The following COL18A1 variants were observed in gnomAD, a reference collection of about 807,000 sequenced individuals.
COL18A1 encodes the protein collagen alpha-1(XVIII) chain.
Under a neutral mutation model 168.0 loss-of-function variants are expected in COL18A1, and 133 were observed. That is an observed-to-expected ratio of 0.79 (90% CI 0.69 to 0.91). The LOEUF is 0.91. COL18A1 is among the 40% of genes least tolerant of loss of function. The probability of loss-of-function intolerance (pLI) is 0.00; values close to 1 mark genes in which losing one functional copy is unlikely to be tolerated. For synonymous variants in COL18A1, 949 were observed against 809.0 expected (o/e 1.17, Z -2.94); for missense variants, 2,126 against 1,925.4 (o/e 1.10, Z -1.95).
intron 2 of COL18A1, among the ~76,000 whole-genome samples, chr21:45,453,756 T>C (rs568882204): frequency 5.3e-4 from 81 of 152,204 alleles, no homozygotes; most frequent in African/African-American, 1.9e-3. Flanking sequence ...CTCAGTGCCA[T>C]GGGGCTGCCA....
intron 2 of COL18A1, among the ~76,000 whole-genome samples, chr21:45,442,882 G>T (rs2034411141): frequency 7.1e-6 from 1 of 141,352 alleles, no homozygotes; most frequent in African/African-American, 2.7e-5. Context: ...GGTGGTGCTG[G>T]TGTGGGCAGC....
chr21:45,505,406 C>G lies in COL18A1; in HGVS notation c.3062C>G (p.Pro1021Arg), dbSNP rs773571358. 2.5e-6 allele frequency: 4 copies of G among 1,576,472 alleles called. No homozygotes were observed. Among genetic ancestry groups the G allele is most frequent in the Non-Finnish European group, 3.5e-6 (4 of 1,152,426 alleles). ...GGCCCCCCTGGGCCCCCTGGGCCCC[C>G]TGGAACCATGGGCGCCTCCTCAGGG... The part of the protein sequence containing the change: ...PPGPPGPPGP[P>R]GTMGASSGVR... The change falls in exon 36 of 42, where the codon CCT (proline) becomes CGT (arginine). Residue 1021 changes from proline (P) to arginine (R), a missense_variant. Coordinates refer to ENST00000651438, the MANE Select transcript of COL18A1 (RefSeq NM_001379500.1).
At chr21:45,428,864 G>A (rs1455771516) in intron 2 of COL18A1, among the ~76,000 whole-genome samples, 1 of 151,702 alleles carries the variant, frequency 6.6e-6, no homozygotes, top group Non-Finnish European at 1.5e-5. Flanking sequence ...TGCCTGAAAT[G>A]TCTCTGCACT....
At chr21:45,446,200 A>G (rs1256015517) in intron 2 of COL18A1, among the ~76,000 whole-genome samples, 1 of 152,146 alleles carries the variant, frequency 6.6e-6, no homozygotes, top group African/African-American at 2.4e-5. Flanking sequence ...TCCTCACTGA[A>G]CAGTCTCGAC....
chr21:45,472,968 G>A (rs2035499828), intron 3 of COL18A1, among the ~76,000 whole-genome samples: 1 of 152,220 alleles, frequency 6.6e-6, no homozygotes, highest in South Asian at 2.1e-4. Flanking sequence ...GGCTTTGGGG[G>A]CCCAGCCGGC....
intron 21 of COL18A1, among the ~76,000 whole-genome samples, 170 bp from the exon 22 acceptor site, chr21:45,491,055 C>G (rs1182825035): frequency 3.9e-5 from 6 of 152,164 alleles, no homozygotes; most frequent in Non-Finnish European, 8.8e-5. Context: ...TCAACCGTCC[C>G]TGTTGGAGCC....
In COL18A1 at chr21:45,471,919, C is replaced by G. The variant is rs2035444322; in HGVS notation, c.652-1976C>G. 6.6e-6 allele frequency among the ~76,000 whole-genome samples: 1 copy of G among 152,226 alleles called. No individual in the cohort carries two copies. Among genetic ancestry groups the G allele is most frequent in the African/African-American group, 2.4e-5 (1 of 41,458 alleles). On this transcript the variant is annotated intron_variant, in intron 3 of 41. Coordinates refer to ENST00000651438, the MANE Select transcript of COL18A1 (RefSeq NM_001379500.1). This position sits in a 1 kb window ranked among gnomAD's most constrained non-coding sequence, Gnocchi z 4.4. Reference sequence around the variant, plus strand: ...ATTTACAATGGGCCTGTGGCTTTTGCACTAGCGCCTCCTGCCCCACCCCCG... The same window carrying G: ...ATTTACAATGGGCCTGTGGCTTTTGGACTAGCGCCTCCTGCCCCACCCCCG...
chr21:45,457,207 C>T lies in COL18A1; in HGVS notation c.107-11035C>T, dbSNP rs944094645. On this transcript the variant is annotated intron_variant, in intron 2 of 41. Coordinates refer to ENST00000651438, the MANE Select transcript of COL18A1 (RefSeq NM_001379500.1). The surrounding 1 kb of genome is among the most constrained non-coding windows in gnomAD (Gnocchi z 4.6). Reference sequence around the variant, plus strand: ...CATGCCCCGAGTCACAGAGGGGAAACTGAGGCGTGGGGCAGTGGCGTGACT... The same window carrying T: ...CATGCCCCGAGTCACAGAGGGGAAATTGAGGCGTGGGGCAGTGGCGTGACT... Among the ~76,000 whole-genome samples, 3 of 152,240 alleles carry T rather than the reference C, an allele frequency of 2.0e-5. No individual in the cohort carries two copies. The highest frequency in any genetic ancestry group is 7.2e-5 in the African/African-American group (3 of 41,466).
chr21:45,472,620 G>A (rs1461005674), intron 3 of COL18A1, among the ~76,000 whole-genome samples: 1 of 152,062 alleles, frequency 6.6e-6, no homozygotes, highest in Non-Finnish European at 1.5e-5. Flanking sequence ...CACGCAGTAG[G>A]TCCTGGTGGA....
rs924121794 is a variant in COL18A1, at chr21:45,413,792, G to A, written c.106+8319G>A. Among the ~76,000 whole-genome samples the A allele has an allele frequency of 5.9e-5, 9 of 152,220 alleles. 2 individuals carry two copies. The highest frequency in any genetic ancestry group is 2.2e-4 in the African/African-American group (9 of 41,518). On this transcript the variant is annotated intron_variant, in intron 2 of 41. Transcript: ENST00000651438. Reference sequence around the variant, plus strand: ...GCACTTGTGCCTGGGCCTTTGCAGAGGCTAGAGGCAGGGTAGAGGATGGAG... The same window carrying A: ...GCACTTGTGCCTGGGCCTTTGCAGAAGCTAGAGGCAGGGTAGAGGATGGAG...
intron 9 of COL18A1, among the ~76,000 whole-genome samples, chr21:45,478,700 G>T (rs987863269): frequency 5.9e-5 from 9 of 152,094 alleles, no homozygotes; most frequent in African/African-American, 2.2e-4. Context: ...GAAGCACGGG[G>T]CGACCTGAGA....
intron 2 of COL18A1, among the ~76,000 whole-genome samples, chr21:45,452,752 TTGTG>T (rs1393302643): frequency 1.3e-5 from 2 of 151,186 alleles, no homozygotes; most frequent in Non-Finnish European, 2.9e-5. Flanking sequence ...GTACGTGTGA[TTGTG>T]TATGCATGTG....
At chr21:45,493,102 A>G in intron 24 of COL18A1, 61 bp from the exon 25 acceptor site, 1 of 1,478,632 alleles carries the variant, frequency 6.8e-7, no homozygotes, top group Non-Finnish European at 9.2e-7. Context: ...GAGATGGAGC[A>G]GCCGTCGGGG....
At position 45,455,769 on chromosome 21, in the gene COL18A1, C is replaced by G. The variant is rs61739237; in HGVS notation, c.107-12473C>G. 3.7e-3 allele frequency: 5,901 copies of G among 1,613,748 alleles called. 196 individuals carry two copies. In the African/African-American group the frequency reaches 0.07, roughly 19 times the overall value. ...GAGCCAGCGACAGCCCCTGGCAGCC[C>G]TGAGCCACCCTCAGAGCTGCTGGAA... is the stretch of plus-strand genomic sequence containing the variant. On this transcript the variant is annotated intron_variant, in intron 2 of 41. Coordinates refer to ENST00000651438, the MANE Select transcript of COL18A1 (RefSeq NM_001379500.1).
intron 2 of COL18A1, among the ~76,000 whole-genome samples, chr21:45,454,497 G>C (rs894788704): frequency 1.3e-5 from 2 of 152,218 alleles, no homozygotes; most frequent in South Asian, 2.1e-4. Flanking sequence ...GGGTGTGTGC[G>C]TGTGAGGATG....
intron 39 of COL18A1, 123 bp from the exon 40 acceptor site, chr21:45,509,941 C>T (rs1379418591): frequency 5.2e-6 from 6 of 1,163,364 alleles, no homozygotes; most frequent in Non-Finnish European, 6.0e-6. Flanking sequence ...ACTTGCGCGC[C>T]TCCCGCTCAG....
chr21:45,473,134 C>G lies in COL18A1; in HGVS notation c.652-761C>G, dbSNP rs1455227802. 2.6e-5 allele frequency among the ~76,000 whole-genome samples: 4 copies of G among 152,356 alleles called. No homozygotes were observed. The highest frequency in any genetic ancestry group is 2.0e-4 in the Admixed American group (3 of 15,310). On this transcript the variant is annotated intron_variant, in intron 3 of 41. Transcript: ENST00000651438. This position sits in a 1 kb window ranked among gnomAD's most constrained non-coding sequence, Gnocchi z 4.0. ...AAAGCCCCTCCCAGCGTCCTCTCCCCACCAGGCAAGCTACCCGCTTGAGGC... is the reference window on the plus strand; with the variant it reads ...AAAGCCCCTCCCAGCGTCCTCTCCCGACCAGGCAAGCTACCCGCTTGAGGC...
At position 45,505,973 on chromosome 21, in the gene COL18A1, G is replaced by C. The variant is rs370117658; in HGVS notation, c.3216+7G>C. On this transcript the variant is annotated splice_region_variant and intron_variant, in intron 37 of 41. Coordinates refer to ENST00000651438, the MANE Select transcript of COL18A1 (RefSeq NM_001379500.1). ...CGGGTTCCGGAAGGTCCAGGTGAGC[G>C]CTCTGTGTGACGGGTTCTGGACCCG... 5.6e-6 allele frequency: 9 copies of C among 1,613,010 alleles called. No individual in the cohort carries two copies. The Admixed American group carries it at 1.5e-4, about 27-fold the overall frequency.
rs546772009 is a variant in COL18A1 at position 45,505,940 on chromosome 21, G to A, written c.3190G>A (p.Val1064Met). 346 of 1,613,250 alleles carry A rather than the reference G, an allele frequency of 2.1e-4. 3 individuals are homozygous for A. The South Asian group carries it at 2.5e-3, about 11-fold the overall frequency. ...VAEQEELYVRVQNGFRKVQLE... is the reference protein window; with the variant it reads ...VAEQEELYVRMQNGFRKVQLE... ...CGAGCAGGAGGAGCTCTACGTCCGCGTGCAGAACGGGTTCCGGAAGGTCCA... is the reference window on the plus strand; with the variant it reads ...CGAGCAGGAGGAGCTCTACGTCCGCATGCAGAACGGGTTCCGGAAGGTCCA... The change falls in exon 37 of 42, where the codon GTG (valine) becomes ATG (methionine). Residue 1064 changes from valine (V) to methionine (M), a missense_variant. Val to Met is a conservative substitution (Grantham distance 21). Coordinates refer to ENST00000651438, the MANE Select transcript of COL18A1 (RefSeq NM_001379500.1).
Sources: allele counts gnomAD v4.1 joint callset (sites outside exome capture counted in the v4.1 genomes callset), GRCh38; gene constraint gnomAD v4.1.1; non-coding constraint Gnocchi (gnomAD v3.1); transcripts MANE v1.5; gene names NCBI Gene and HGNC (gene_info 2026-07-23, HGNC 2026-07-21).